The following DOCK7 variants were observed in gnomAD, a reference collection of about 807,000 sequenced individuals.
DOCK7 encodes the protein dedicator of cytokinesis protein 7.
DOCK7 carries 138 observed loss-of-function variants against 271.0 expected under a neutral mutation model. That is an observed-to-expected ratio of 0.51 (90% CI 0.44 to 0.59). The LOEUF is 0.59. Among genes scored for constraint, DOCK7 ranks in the 20% least tolerant of loss-of-function variants. The pLI, the probability that DOCK7 is intolerant of heterozygous loss-of-function variation, is 0.00. For synonymous variants in DOCK7, 823 were observed against 876.1 expected, an observed-to-expected ratio of 0.94 and a Z score of 1.07; for missense variants, 2,066 against 2,592.4, an observed-to-expected ratio of 0.80 and a Z score of 4.41.
chr1:62,590,816 C>G (rs1648327089), intron 14 of DOCK7, among the ~76,000 whole-genome samples: 1 of 152,030 alleles, frequency 6.6e-6, no homozygotes, highest in African/African-American at 2.4e-5. Flanking sequence ...GTCAGAATGG[C>G]TATTATCAAA....
chr1:62,667,422 G>T (rs1233536403), intron 1 of DOCK7, among the ~76,000 whole-genome samples: 1 of 152,168 alleles, frequency 6.6e-6, no homozygotes, highest in Non-Finnish European at 1.5e-5. Context: ...CAAAAGAAAA[G>T]GAAGAGAGCA....
intron 19 of DOCK7, among the ~76,000 whole-genome samples, chr1:62,560,016 A>G (rs1646271523): frequency 1.3e-5 from 2 of 152,188 alleles, no homozygotes; most frequent in South Asian, 4.1e-4. Flanking sequence ...AACATTTCAC[A>G]TATGTTGTTT....
At chr1:62,668,490 C>T (rs377606327) in intron 1 of DOCK7, among the ~76,000 whole-genome samples, 1 of 152,094 alleles carries the variant, frequency 6.6e-6, no homozygotes, top group South Asian at 2.1e-4. Context: ...ACATAAGAGT[C>T]ATTAGGGTTT....
At chr1:62,527,872 T>C (rs981651672) in intron 31 of DOCK7, among the ~76,000 whole-genome samples, 2 of 15,944 alleles carry the variant, frequency 1.3e-4, no homozygotes, top group African/African-American at 1.7e-4. Flanking sequence ...AAACTTAAAG[T>C]ATAAAAAAAA....
At chr1:62,524,486 T>C (rs1205614981) in intron 31 of DOCK7, among the ~76,000 whole-genome samples, 1 of 152,166 alleles carries the variant, frequency 6.6e-6, no homozygotes, top group Non-Finnish European at 1.5e-5. Context: ...ATCAACAGAA[T>C]GGGCAAATAA....
intron 37 of DOCK7, among the ~76,000 whole-genome samples, chr1:62,502,420 C>A (rs146687936): frequency 1.1e-4 from 17 of 152,196 alleles, no homozygotes; most frequent in African/African-American, 4.1e-4. Context: ...TTTTGTTTAT[C>A]TTCCATGAAC....
At position 62,513,854 on chromosome 1, in the gene DOCK7, G is replaced by A. The variant is rs991493030; in HGVS notation, c.3981C>T (p.Ser1327=). 1 of 1,613,900 alleles carries A rather than the reference G, an allele frequency of 6.2e-7. No individual in the cohort carries two copies. Among genetic ancestry groups the A allele is most frequent in the Non-Finnish European group, 8.5e-7 (1 of 1,179,922 alleles). The change falls in exon 32 of 50, where the codon AGC becomes AGT. Residue 1327 remains serine, a synonymous_variant. Coordinates refer to ENST00000635253, the MANE Select transcript of DOCK7 (RefSeq NM_001367561.1). ...GAACCCAAAGTAGACAGATCAAAAG[G>A]CTTCGACTTGATTCTGCTGAAAAGG... The part of the protein sequence containing the change: ...HTTFSAESSR[S]LLICLLWVLK...
chr1:62,673,540 T>A (rs1660229348), intron 1 of DOCK7, among the ~76,000 whole-genome samples: 1 of 152,084 alleles, frequency 6.6e-6, no homozygotes, highest in Non-Finnish European at 1.5e-5. Flanking sequence ...AAATTGGCAA[T>A]TAAAAACAGA....
chr1:62,597,660 G>A (rs746416387), intron 14 of DOCK7: 2 of 1,613,372 alleles, frequency 1.2e-6, no homozygotes, highest in African/African-American at 1.3e-5. Context: ...TCTATCTCCA[G>A]AGCCAAAATC....
At chr1:62,574,186 C>T (rs1381629862) in intron 18 of DOCK7, among the ~76,000 whole-genome samples, 2 of 152,132 alleles carry the variant, frequency 1.3e-5, no homozygotes, top group Non-Finnish European at 2.9e-5. Context: ...TAAGATTCAT[C>T]ACACACGGTA....
At chr1:62,651,757 T>C (rs1657411447) in intron 4 of DOCK7, among the ~76,000 whole-genome samples, 1 of 152,212 alleles carries the variant, frequency 6.6e-6, no homozygotes, top group Admixed American at 6.5e-5. Context: ...TTAATCTGTG[T>C]TCCATTAACT....
At chr1:62,586,261 AT>A (rs1459931331) in intron 15 of DOCK7, among the ~76,000 whole-genome samples, 1 of 152,156 alleles carries the variant, frequency 6.6e-6, no homozygotes, top group African/African-American at 2.4e-5. Flanking sequence ...TATTCATTTT[AT>A]ATCCTCTGGA....
At chr1:62,666,251 A>G (rs1374786435) in intron 1 of DOCK7, among the ~76,000 whole-genome samples, 1 of 152,338 alleles carries the variant, frequency 6.6e-6, no homozygotes, top group Non-Finnish European at 1.5e-5. Context: ...AAACTTTGCC[A>G]ATTAACCACC....
intron 8 of DOCK7, 96 bp from the exon 9 acceptor site, chr1:62,635,018 C>CT: frequency 1.5e-6 from 1 of 655,824 alleles, no homozygotes; most frequent in Non-Finnish European, 2.4e-6. Flanking sequence ...TTTTAGAACT[C>CT]TTTCAATGAA....
intron 16 of DOCK7, among the ~76,000 whole-genome samples, chr1:62,582,951 T>C (rs566844686): frequency 1.3e-5 from 2 of 152,206 alleles, no homozygotes; most frequent in East Asian, 1.9e-4. Flanking sequence ...AACAATATAA[T>C]AAAAATGAAA....
chr1:62,470,942 T>G (rs933598962), intron 48 of DOCK7, among the ~76,000 whole-genome samples: 2 of 152,094 alleles, frequency 1.3e-5, no homozygotes, highest in Admixed American at 6.5e-5. Flanking sequence ...CCCCACCTCC[T>G]CTGCCTCTGC....
chr1:62,670,034 C>T (rs1243912456), intron 1 of DOCK7, among the ~76,000 whole-genome samples: 2 of 152,272 alleles, frequency 1.3e-5, no homozygotes, highest in South Asian at 2.1e-4. Flanking sequence ...AGCACCCGGG[C>T]CAGTGGCTGC....
intron 11 of DOCK7, among the ~76,000 whole-genome samples, chr1:62,627,013 C>T (rs1200257596): frequency 2.6e-5 from 4 of 152,000 alleles, no homozygotes; most frequent in African/African-American, 4.8e-5. Flanking sequence ...AAACAGACTC[C>T]AACAACACAT....
intron 14 of DOCK7, among the ~76,000 whole-genome samples, chr1:62,613,015 C>T (rs1200890834): frequency 2.0e-5 from 3 of 152,128 alleles, no homozygotes; most frequent in Non-Finnish European, 4.4e-5. Flanking sequence ...AATTAATGTA[C>T]CTTGATCTAT....
Sources: allele counts gnomAD v4.1 joint callset (sites outside exome capture counted in the v4.1 genomes callset), GRCh38; gene constraint gnomAD v4.1.1; transcripts MANE v1.5; gene names NCBI Gene and HGNC (gene_info 2026-07-23, HGNC 2026-07-21).